The following AFF2 variants were observed in gnomAD, a reference collection of about 807,000 sequenced individuals.
AFF2 encodes the protein ALF transcription elongation factor 2.
A neutral mutation model predicts 76.9 loss-of-function variants in AFF2; 14 were observed. That is an observed-to-expected ratio of 0.18 (90% CI 0.12 to 0.28). The LOEUF (loss-of-function observed/expected upper bound fraction) is 0.28, where lower values mean the gene tolerates loss of function less well. AFF2 is among the 10% of genes least tolerant of loss of function. AFF2 has a pLI of 1.00. For synonymous variants in AFF2, 398 were observed against 366.7 expected, an observed-to-expected ratio of 1.09 and a Z score of -0.98; for missense variants, 868 against 1,001.1, an observed-to-expected ratio of 0.87 and a Z score of 1.79.
intron 4 of AFF2, among the ~76,000 whole-genome samples, chrX:148,813,343 T>G (rs1413439901): frequency 3.6e-5 from 4 of 112,057 alleles, no homozygotes; most frequent in South Asian, 3.7e-4. Context: ...GTAGCTGACA[T>G]TTCCAGCAAC....
At chrX:148,917,930 CAT>C (rs2071550387) in intron 9 of AFF2, among the ~76,000 whole-genome samples, 1 of 112,137 alleles carries the variant, frequency 8.9e-6, no homozygotes, top group South Asian at 3.7e-4. Flanking sequence ...AAGGAAATAA[CAT>C]TGCTACAAGG....
At chrX:148,556,147 C>T (rs1026816929) in intron 1 of AFF2, among the ~76,000 whole-genome samples, 6 of 111,903 alleles carry the variant, frequency 5.4e-5, no homozygotes, top group South Asian at 3.7e-4. Context: ...CATTAGATGC[C>T]GCTAATTCTT....
chrX:148,949,280 T>A (rs782123844), intron 9 of AFF2, among the ~76,000 whole-genome samples: 274 of 111,648 alleles, frequency 2.5e-3, no homozygotes, highest in Non-Finnish European at 4.5e-3. Context: ...GACTATCACA[T>A]ATAGAGTCTA....
At chrX:148,740,229 T>G (rs1324636479) in intron 3 of AFF2, among the ~76,000 whole-genome samples, 2 of 112,073 alleles carry the variant, frequency 1.8e-5, no homozygotes, top group Admixed American at 1.9e-4. Flanking sequence ...CCTCGGTCAT[T>G]CCCCCAAATA....
chrX:148,783,451 C>G (rs782765076), intron 3 of AFF2, among the ~76,000 whole-genome samples: 10 of 111,796 alleles, frequency 8.9e-5, no homozygotes, highest in Non-Finnish European at 1.9e-4. Flanking sequence ...GGTACACTTA[C>G]AAGTGTTAAT....
intron 1 of AFF2, among the ~76,000 whole-genome samples, chrX:148,506,097 A>G (rs1399032173): frequency 3.6e-5 from 4 of 110,938 alleles, no homozygotes; most frequent in Non-Finnish European, 7.5e-5. Flanking sequence ...AATCCTTCCA[A>G]CAACTTTCTG....
intron 9 of AFF2, among the ~76,000 whole-genome samples, chrX:148,933,387 T>A (rs2071736023): frequency 9.0e-6 from 1 of 111,424 alleles, no homozygotes; most frequent in South Asian, 3.8e-4. Flanking sequence ...TGCGAGAGAA[T>A]TTCGAGCAGA....
Position 148,907,306 on chromosome X carries a change from G to T in AFF2, c.1397+3048G>T, listed in dbSNP as rs141478773. ...TAGGTTTCTTCCAGGAACCTAGCCT[G>T]CAGGCTTGATAAGGCTGGTGGCTCT... On this transcript the variant is annotated intron_variant, in intron 9 of 20. Coordinates refer to ENST00000370460, the MANE Select transcript of AFF2 (RefSeq NM_002025.4). 6.2e-5 allele frequency among the ~76,000 whole-genome samples: 7 copies of T among 112,394 alleles called. No homozygotes were observed. In the East Asian group the frequency reaches 2.0e-3, roughly 32 times the overall value.
chrX:148,511,894 C>T (rs1368358426), intron 1 of AFF2, among the ~76,000 whole-genome samples: 1 of 112,089 alleles, frequency 8.9e-6, no homozygotes, highest in Admixed American at 9.5e-5. Flanking sequence ...GGAAAAACAC[C>T]CCTGAACATT....
At chrX:148,736,090 A>G (rs782256867) in intron 3 of AFF2, among the ~76,000 whole-genome samples, 1 of 112,141 alleles carries the variant, frequency 8.9e-6, no homozygotes, top group African/African-American at 3.2e-5. Flanking sequence ...ATGTGTGAGT[A>G]TCTTTTTCCT....
chrX:148,763,662 C>T (rs1317200752), intron 3 of AFF2, among the ~76,000 whole-genome samples: 1 of 111,573 alleles, frequency 9.0e-6, no homozygotes, highest in Non-Finnish European at 1.9e-5. Context: ...GAACAACAGC[C>T]AACATTGAGG....
chrX:148,680,243 C>A (rs1253731127), intron 3 of AFF2, among the ~76,000 whole-genome samples: 1 of 112,166 alleles, frequency 8.9e-6, no homozygotes, highest in Admixed American at 9.4e-5. Context: ...AGAATAGGTG[C>A]TCATTAAATA....
At chrX:148,645,216 A>T (rs782809955) in intron 1 of AFF2, among the ~76,000 whole-genome samples, 5 of 111,866 alleles carry the variant, frequency 4.5e-5, no homozygotes, top group Non-Finnish European at 9.4e-5. Context: ...AGAGATTTAC[A>T]TATCGCTTTA....
chrX:148,658,326 G>T (rs148582083), intron 2 of AFF2, among the ~76,000 whole-genome samples: 1,582 of 111,970 alleles, frequency 0.014, 30 homozygotes, highest in African/African-American at 0.046. Flanking sequence ...ACTCAACCTT[G>T]AACTGTGTGC....
In AFF2 at chrX:148,761,276, C is replaced by CT. The variant is rs1172176093; in HGVS notation, c.1042-48593dup. ...TGGAAACATTGAGAGATTTTTCTTT[C>CT]TTTTTTTATTGTTTTAAACTACTAT... On this transcript the variant is annotated intron_variant, in intron 3 of 20. Transcript: ENST00000370460. Among the ~76,000 whole-genome samples, 134 of 110,845 alleles carry CT rather than the reference C, an allele frequency of 1.2e-3. 1 individual carries two copies. Among genetic ancestry groups the CT allele is most frequent in the African/African-American group, 4.3e-3 (131 of 30,521 alleles).
chrX:148,740,019 T>C (rs2055331447), intron 3 of AFF2, among the ~76,000 whole-genome samples: 1 of 112,212 alleles, frequency 8.9e-6, no homozygotes. Flanking sequence ...AGAAATCTAC[T>C]GTTAATCTGA....
At chrX:148,933,402 A>C (rs1250316983) in intron 9 of AFF2, among the ~76,000 whole-genome samples, 1 of 111,612 alleles carries the variant, frequency 9.0e-6, no homozygotes. Context: ...AGCAGAAGAG[A>C]GATATGATCT....
Position 148,955,845 on chromosome X carries a change from C to G in AFF2, c.1800C>G (p.Pro600=), listed in dbSNP as rs782812479. ...TTAGGGAGAAAGCCCGTCCACGGCC[C>G]ACTCAGAAAATTCCAGAAACAAAGG... is the stretch of plus-strand genomic sequence containing the variant. ...SLIREKARPR[P]TQKIPETKAL... is the part of the protein sequence containing the mutation. The change falls in exon 11 of 21, where the codon CCC becomes CCG. Residue 600 remains proline, a synonymous_variant. Coordinates refer to ENST00000370460, the MANE Select transcript of AFF2 (RefSeq NM_002025.4). 4.1e-6 allele frequency: 5 copies of G among 1,211,513 alleles called. No individual in the cohort carries two copies. Among genetic ancestry groups the G allele is most frequent in the Middle Eastern group, 4.6e-4 (2 of 4,352 alleles).
intron 1 of AFF2, among the ~76,000 whole-genome samples, chrX:148,577,951 G>A (rs1247836482): frequency 8.9e-6 from 1 of 112,347 alleles, no homozygotes; most frequent in African/African-American, 3.2e-5. Context: ...TCCATCTGTT[G>A]ATAAGTTGCA....
Sources: allele counts gnomAD v4.1 joint callset (sites outside exome capture counted in the v4.1 genomes callset), GRCh38; gene constraint gnomAD v4.1.1; transcripts MANE v1.5; gene names NCBI Gene and HGNC (gene_info 2026-07-23, HGNC 2026-07-21).